Variants in PRKAR1B observed in about 807,000 individuals in gnomAD.
The protein encoded by PRKAR1B is protein kinase cAMP-dependent type I regulatory subunit beta.
A neutral mutation model predicts 46.5 loss-of-function variants in PRKAR1B; 22 were observed. The observed-to-expected ratio is 0.47, with a 90% CI of 0.34 to 0.68. The LOEUF (loss-of-function observed/expected upper bound fraction) is 0.68, where lower values mean the gene tolerates loss of function less well. Ranked by LOEUF, PRKAR1B falls within the 30% of genes least tolerant of loss-of-function variation. The pLI, the probability that PRKAR1B is intolerant of heterozygous loss-of-function variation, is 0.01. For missense variants in PRKAR1B, 445 were observed against 535.6 expected (o/e 0.83, Z 1.67); for synonymous variants, 259 against 217.7 (o/e 1.19, Z -1.67).
At chr7:721,921 A>C (rs941887535) in intron 1 of PRKAR1B, among the ~76,000 whole-genome samples, 1 of 152,028 alleles carries the variant, frequency 6.6e-6, no homozygotes, top group African/African-American at 2.4e-5. Context: ...TCTCTAGGCA[A>C]GGCATTATTT....
chr7:718,883 T>C (rs1194199835), intron 1 of PRKAR1B, among the ~76,000 whole-genome samples: 1 of 144,372 alleles, frequency 6.9e-6, no homozygotes. Flanking sequence ...TTTTTTTTTT[T>C]TTTGATGAGA....
intron 3 of PRKAR1B, among the ~76,000 whole-genome samples, chr7:680,157 C>CAAAAA (rs372918350): frequency 8.1e-5 from 6 of 73,664 alleles, no homozygotes; most frequent in African/African-American, 2.3e-4. Context: ...GACTCTGTTT[C>CAAAAA]AAAAAAAAAA....
At chr7:639,787 G>C (rs186999409) in intron 4 of PRKAR1B, among the ~76,000 whole-genome samples, 1 of 152,012 alleles carries the variant, frequency 6.6e-6, no homozygotes, top group African/African-American at 2.4e-5. Flanking sequence ...CCAGGAATTC[G>C]AGGCTGCGGT....
intron 4 of PRKAR1B, among the ~76,000 whole-genome samples, chr7:671,599 T>C (rs1156252748): frequency 6.6e-6 from 1 of 152,120 alleles, no homozygotes; most frequent in Non-Finnish European, 1.5e-5. Flanking sequence ...ACTGGGATTA[T>C]AGGCGTGTAC....
At chr7:637,322 C>T (rs953507198) in intron 4 of PRKAR1B, among the ~76,000 whole-genome samples, 5 of 151,898 alleles carry the variant, frequency 3.3e-5, no homozygotes, top group African/African-American at 9.7e-5. Flanking sequence ...GAGGCTGAGG[C>T]GGGAGAATCG....
chr7:577,025 A>G (rs535920946), intron 9 of PRKAR1B, among the ~76,000 whole-genome samples: 1 of 136,720 alleles, frequency 7.3e-6, no homozygotes, highest in East Asian at 2.1e-4. Flanking sequence ...GCCTCACCCA[A>G]CGCCATCAGC....
chr7:726,802 A>G, intron 1 of PRKAR1B: 1 of 1,305,736 alleles, frequency 7.7e-7, no homozygotes, highest in Non-Finnish European at 9.7e-7. Flanking sequence ...GGTGGAGCTG[A>G]GCCGCGCCCT....
chr7:584,089 C>T (rs1439264538), intron 8 of PRKAR1B, among the ~76,000 whole-genome samples: 3 of 152,158 alleles, frequency 2.0e-5, no homozygotes, highest in Admixed American at 6.5e-5. Flanking sequence ...AGAGAAACTG[C>T]GCTTAGAAGG....
chr7:580,744 CA>C (rs754143077), intron 8 of PRKAR1B, among the ~76,000 whole-genome samples: 2,172 of 117,176 alleles, frequency 0.019, 12 homozygotes, highest in South Asian at 0.023. Flanking sequence ...TCTTTTTTGA[CA>C]AAAAAAAAAA....
Position 644,663 on chromosome 7 carries a change from G to A in PRKAR1B, c.440+32566C>T, listed in dbSNP as rs1209645588. ...GCTGAGCGTCCACCCCCAGGCCTCC[G>A]GACAGGGAGACTTTCAACCCACCAG... On this transcript the variant is annotated intron_variant, in intron 4 of 10. Transcript: ENST00000537384. The surrounding 1 kb of genome is among the most constrained non-coding windows in gnomAD (Gnocchi z 4.9). Among the ~76,000 whole-genome samples the A allele has an allele frequency of 2.6e-5, 4 of 152,178 alleles. No individual in the cohort carries two copies. The highest frequency in any genetic ancestry group is 2.0e-4 in the Admixed American group (3 of 15,274).
At chr7:664,198 G>A (rs920282570) in intron 4 of PRKAR1B, among the ~76,000 whole-genome samples, 28 of 152,152 alleles carry the variant, frequency 1.8e-4, no homozygotes, top group African/African-American at 5.3e-4. Context: ...GGCAGGCGAC[G>A]GGGCTATTTT....
intron 2 of PRKAR1B, among the ~76,000 whole-genome samples, chr7:708,510 A>C (rs1338211680): frequency 6.6e-6 from 1 of 152,200 alleles, no homozygotes; most frequent in Admixed American, 6.5e-5. Flanking sequence ...TATTTTTGAG[A>C]CAGACTCTCG....
chr7:559,033 C>T (rs1778622699), intron 9 of PRKAR1B, among the ~76,000 whole-genome samples: 1 of 152,228 alleles, frequency 6.6e-6, no homozygotes, highest in Non-Finnish European at 1.5e-5. Context: ...ATTTGCCTTC[C>T]TCGGAGCTGC....
upstream of PRKAR1B, chr7:727,293 C>A: frequency 9.2e-6 from 12 of 1,301,684 alleles, no homozygotes; most frequent in Non-Finnish European, 1.2e-5. Context: ...GCTGCGCCGC[C>A]GCCCTGGCGC....
chr7:647,949 C>T (rs1325662717), intron 4 of PRKAR1B, among the ~76,000 whole-genome samples: 1 of 151,434 alleles, frequency 6.6e-6, no homozygotes, highest in Non-Finnish European at 1.5e-5. Context: ...AGTTTGCGAC[C>T]AGCTCGAGCA....
At chr7:572,129 T>C (rs1248645263) in intron 9 of PRKAR1B, among the ~76,000 whole-genome samples, 1 of 152,018 alleles carries the variant, frequency 6.6e-6, no homozygotes, top group Admixed American at 6.5e-5. Context: ...GGTGCAGGCC[T>C]CACAAGGACG....
Position 711,519 on chromosome 7 carries a change from G to A in PRKAR1B, c.-14C>T. The A allele has an allele frequency of 6.2e-7, 1 of 1,611,584 alleles. No individual in the cohort carries two copies. The highest frequency in any genetic ancestry group is 8.5e-7 in the Non-Finnish European group (1 of 1,178,786). ...CGGGGAGGCCATGGCGAGGGTGGCT[G>A]CTTCCTTCCTGTCCAGAAAACACAC... On this transcript the variant is annotated 5_prime_UTR_variant, in exon 2 of 11. Coordinates refer to ENST00000537384, the MANE Select transcript of PRKAR1B (RefSeq NM_001164760.2).
At chr7:668,902 G>A (rs769984509) in intron 4 of PRKAR1B, among the ~76,000 whole-genome samples, 4 of 152,002 alleles carry the variant, frequency 2.6e-5, no homozygotes, top group Non-Finnish European at 4.4e-5. Flanking sequence ...CTCTGAGTTC[G>A]GTCAGGCTGG....
intron 7 of PRKAR1B, among the ~76,000 whole-genome samples, chr7:594,771 G>A (rs1484479571): frequency 6.6e-6 from 1 of 151,314 alleles, no homozygotes; most frequent in African/African-American, 2.4e-5. Flanking sequence ...GACTCCCCCA[G>A]ACCATGAGAG....
Sources: allele counts gnomAD v4.1 joint callset (sites outside exome capture counted in the v4.1 genomes callset), GRCh38; gene constraint gnomAD v4.1.1; non-coding constraint Gnocchi (gnomAD v3.1); transcripts MANE v1.5; gene names NCBI Gene and HGNC (gene_info 2026-07-23, HGNC 2026-07-21).